The following AGPS variants were observed in gnomAD, a reference collection of about 807,000 sequenced individuals.
AGPS encodes the protein alkylglycerone phosphate synthase, also known as alkyldihydroxyacetonephosphate synthase, peroxisomal.
AGPS carries 26 observed loss-of-function variants against 90.7 expected under a neutral mutation model. The ratio of observed to expected loss-of-function variants is 0.29; its 90% CI spans 0.21 to 0.40. The LOEUF (loss-of-function observed/expected upper bound fraction) is 0.40, where lower values mean the gene tolerates loss of function less well. AGPS is among the 10% of genes least tolerant of loss of function. The probability of loss-of-function intolerance (pLI) is 1.00; values close to 1 mark genes in which losing one functional copy is unlikely to be tolerated. For synonymous variants in AGPS, 294 were observed against 285.3 expected, an observed-to-expected ratio of 1.03 and a Z score of -0.31; for missense variants, 540 against 816.1, an observed-to-expected ratio of 0.66 and a Z score of 4.12.
At position 177,539,301 on chromosome 2, in the gene AGPS, A is replaced by C. The variant is rs116688077; in HGVS notation, c.*1106A>C. On this transcript the variant is annotated 3_prime_UTR_variant, in exon 20 of 20. Transcript: ENST00000264167. ...TAACTGGTTTAACCTAATTTTTTTT[A>C]AATGTAATGTATTAATGCATATACC... The C allele has an allele frequency of 6.6e-6, 1 of 151,998 alleles. No homozygotes were observed. Among genetic ancestry groups the C allele is most frequent in the African/African-American group, 2.4e-5 (1 of 41,426 alleles). The allele number at this position is 151,998 out of a possible 1,614,324, so 9.4% of individuals were successfully genotyped here. A position where few individuals can be genotyped will look rare whatever the true frequency, so the allele number is the denominator to read the frequency against.
chr2:177,508,146 GA>G, intron 16 of AGPS, 115 bp downstream of exon 16: 1 of 788,690 alleles, frequency 1.3e-6, no homozygotes, highest in Non-Finnish European at 2.1e-6. Flanking sequence ...GAAACATTGA[GA>G]CAAGGCAGCT....
At chr2:177,431,616 G>A (rs950609167) in intron 2 of AGPS, among the ~76,000 whole-genome samples, 3 of 152,086 alleles carry the variant, frequency 2.0e-5, no homozygotes, top group East Asian at 1.9e-4. Context: ...TCCCTCCCCA[G>A]GGTATTAATT....
intron 9 of AGPS, among the ~76,000 whole-genome samples, chr2:177,466,160 G>A (rs1322940687): frequency 1.3e-5 from 2 of 151,920 alleles, no homozygotes; most frequent in Non-Finnish European, 2.9e-5. Flanking sequence ...TAGCCCTCAG[G>A]AGAGAGGAGA....
At chr2:177,483,943 A>G (rs1421539408) in intron 11 of AGPS, among the ~76,000 whole-genome samples, 1 of 151,996 alleles carries the variant, frequency 6.6e-6, no homozygotes, top group Non-Finnish European at 1.5e-5. Context: ...ATTAAGAAGT[A>G]AAAGAACTTG....
chr2:177,408,505 C>T (rs561702288), intron 1 of AGPS, among the ~76,000 whole-genome samples: 2 of 152,234 alleles, frequency 1.3e-5, no homozygotes, highest in East Asian at 3.9e-4. Context: ...TTTCTCCTTC[C>T]AGATAGTCCT....
At chr2:177,402,499 G>T (rs1311684965) in intron 1 of AGPS, among the ~76,000 whole-genome samples, 3 of 152,068 alleles carry the variant, frequency 2.0e-5, no homozygotes, top group Non-Finnish European at 2.9e-5. Flanking sequence ...CTTTTATTGT[G>T]CCATTGTCTG....
At chr2:177,441,065 A>G (rs376919181) in intron 6 of AGPS, 29 bp downstream of exon 6, 28 of 1,529,674 alleles carry the variant, frequency 1.8e-5, no homozygotes, top group Admixed American at 8.4e-5. Context: ...GAATTTTAAT[A>G]TGTAAATTTG....
At chr2:177,407,451 A>G (rs1023341485) in intron 1 of AGPS, among the ~76,000 whole-genome samples, 5 of 152,192 alleles carry the variant, frequency 3.3e-5, no homozygotes, top group African/African-American at 1.2e-4. Context: ...GAAGCTTACA[A>G]TCATGGCAGA....
At position 177,445,645 on chromosome 2, in the gene AGPS, T is replaced by A. The variant is rs756043850; in HGVS notation, c.870+19T>A. On this transcript the variant is annotated intron_variant, in intron 8 of 19. Transcript: ENST00000264167. ...AAGACAGGTATGTTATTTATTTTTC[T>A]TATTTTTTTAAATTAACTTATTCTA... 15 of 1,523,660 alleles carry A rather than the reference T, an allele frequency of 9.8e-6. No individual in the cohort carries two copies. The highest frequency in any genetic ancestry group is 1.2e-5 in the Non-Finnish European group (13 of 1,125,878). The allele number at this position is 1,523,660 out of a possible 1,614,324, so 94.4% of individuals were successfully genotyped here. A position where few individuals can be genotyped will look rare whatever the true frequency, so the allele number is the denominator to read the frequency against.
chr2:177,399,318 A>G (rs1685267827), intron 1 of AGPS, among the ~76,000 whole-genome samples: 1 of 152,208 alleles, frequency 6.6e-6, no homozygotes. Flanking sequence ...AACCAAATCA[A>G]GGGATCATGA....
chr2:177,476,519 G>C lies in AGPS; in HGVS notation c.1106-5540G>C, dbSNP rs551356491. ...TTCTTATTTCATTCCATTGTGGCTTGAGAACATACTTTGTATTATTTCAGT... is the reference window on the plus strand; with the variant it reads ...TTCTTATTTCATTCCATTGTGGCTTCAGAACATACTTTGTATTATTTCAGT... On this transcript the variant is annotated intron_variant, in intron 10 of 19. Transcript: ENST00000264167. Among the ~76,000 whole-genome samples the C allele has an allele frequency of 4.7e-4, 71 of 152,048 alleles. 1 individual carries two copies. Among genetic ancestry groups the C allele is most frequent in the African/African-American group, 1.7e-3 (70 of 41,534 alleles).
intron 10 of AGPS, among the ~76,000 whole-genome samples, chr2:177,477,517 C>T (rs113878019): frequency 0.025 from 3,830 of 152,126 alleles, 83 homozygotes; most frequent in African/African-American, 0.055. Context: ...AGGAAATGCT[C>T]AGTGGAGCAT....
At chr2:177,445,382 A>G (rs1477158422) in intron 7 of AGPS, among the ~76,000 whole-genome samples, 164 bp from the exon 8 acceptor site, 2 of 152,226 alleles carry the variant, frequency 1.3e-5, no homozygotes, top group African/African-American at 2.4e-5. Flanking sequence ...GTCATGTTGT[A>G]TAGTCTGGGA....
At chr2:177,440,551 C>G (rs76048914) in intron 5 of AGPS, among the ~76,000 whole-genome samples, 1 of 152,058 alleles carries the variant, frequency 6.6e-6, no homozygotes, top group African/African-American at 2.4e-5. Context: ...AAAGAAGACA[C>G]AAGGCAACTA....
At chr2:177,529,721 A>T (rs1179444911) in intron 19 of AGPS, among the ~76,000 whole-genome samples, 2 of 152,192 alleles carry the variant, frequency 1.3e-5, no homozygotes, top group African/African-American at 2.4e-5. Context: ...TAAATGCATT[A>T]AGTATGTAAG....
intron 1 of AGPS, among the ~76,000 whole-genome samples, chr2:177,396,715 G>A (rs1455943762): frequency 6.6e-6 from 1 of 152,208 alleles, no homozygotes; most frequent in Non-Finnish European, 1.5e-5. Context: ...AATGATGTGT[G>A]TGAGAGTTTT....
In AGPS at chr2:177,470,928, C is replaced by T. The variant is rs147185294; in HGVS notation, c.1105+2404C>T. ...TTAGATAATTTTCAGTGCCCGGTGTCCTCAGCCATAAAATGGGAATAATAA... is the reference window on the plus strand; with the variant it reads ...TTAGATAATTTTCAGTGCCCGGTGTTCTCAGCCATAAAATGGGAATAATAA... On this transcript the variant is annotated intron_variant, in intron 10 of 19. Transcript: ENST00000264167. Among the ~76,000 whole-genome samples the T allele has an allele frequency of 1.4e-3, 211 of 152,036 alleles. 1 individual carries two copies. The highest frequency in any genetic ancestry group is 4.8e-3 in the African/African-American group (201 of 41,466).
chr2:177,524,669 T>C (rs1482173313), intron 19 of AGPS, among the ~76,000 whole-genome samples: 1 of 152,190 alleles, frequency 6.6e-6, no homozygotes, highest in Non-Finnish European at 1.5e-5. Flanking sequence ...ATAGCACTTA[T>C]TATTATCTAA....
At chr2:177,485,926 A>G (rs1276175954) in intron 11 of AGPS, among the ~76,000 whole-genome samples, 1 of 152,186 alleles carries the variant, frequency 6.6e-6, no homozygotes, top group African/African-American at 2.4e-5. Context: ...CAAAAAACAA[A>G]CAAAAAAAAC....
Sources: allele counts gnomAD v4.1 joint callset (sites outside exome capture counted in the v4.1 genomes callset), GRCh38; gene constraint gnomAD v4.1.1; transcripts MANE v1.5; gene names NCBI Gene and HGNC (gene_info 2026-07-23, HGNC 2026-07-21).